VWC2: variants seen among roughly 807,000 people sequenced by gnomAD.
VWC2 encodes von Willebrand factor C domain containing 2.
Under a neutral mutation model 29.8 loss-of-function variants are expected in VWC2, and 14 were observed. The observed-to-expected ratio is 0.47, with a 90% CI of 0.31 to 0.74. VWC2 has a LOEUF of 0.74. Ranked by LOEUF, VWC2 falls within the 30% of genes least tolerant of loss-of-function variation. The probability of loss-of-function intolerance (pLI) is 0.05; values close to 1 mark genes in which losing one functional copy is unlikely to be tolerated. For missense variants in VWC2, 457 were observed against 459.8 expected (o/e 0.99, Z 0.05); for synonymous variants, 213 against 199.0 (o/e 1.07, Z -0.59).
intron 2 of VWC2, among the ~76,000 whole-genome samples, chr7:49,800,760 C>T (rs1788719121): frequency 6.9e-6 from 1 of 145,272 alleles, no homozygotes; most frequent in South Asian, 2.2e-4. Flanking sequence ...AAAAATGCTA[C>T]AGACTGAATG....
At chr7:49,898,746 C>G (rs1792535055) in intron 3 of VWC2, among the ~76,000 whole-genome samples, 1 of 152,026 alleles carries the variant, frequency 6.6e-6, no homozygotes, top group Admixed American at 6.6e-5. Context: ...AAGATACTCT[C>G]ATTACCCACA....
intron 3 of VWC2, among the ~76,000 whole-genome samples, chr7:49,872,915 C>CAAAAAAAAAAAAAAAAAAAAAAA (rs61473396): frequency 1.5e-4 from 5 of 33,960 alleles, no homozygotes; most frequent in Non-Finnish European, 2.7e-4. Flanking sequence ...GACTTTGTCT[C>CAAAAAAAAAAAAAAAAAAAAAAA]AAAAAAAAAA....
At chr7:49,794,165 C>G (rs1046956313) in intron 2 of VWC2, among the ~76,000 whole-genome samples, 1 of 152,160 alleles carries the variant, frequency 6.6e-6, no homozygotes, top group African/African-American at 2.4e-5. Context: ...AAACCAAAGC[C>G]CTTTTGCCCA....
At chr7:49,911,254 C>T (rs766384125) in intron 3 of VWC2, among the ~76,000 whole-genome samples, 38 of 151,878 alleles carry the variant, frequency 2.5e-4, no homozygotes, top group Non-Finnish European at 4.4e-4. Flanking sequence ...GAGGCCAAGG[C>T]GGGCAGATCA....
chr7:49,788,814 G>T (rs1275884915), intron 2 of VWC2, among the ~76,000 whole-genome samples: 1 of 149,048 alleles, frequency 6.7e-6, no homozygotes, highest in Non-Finnish European at 1.5e-5. Flanking sequence ...GTGGGTGCGT[G>T]TGAGAGTGGA....
intron 3 of VWC2, among the ~76,000 whole-genome samples, chr7:49,846,515 A>G (rs892728369): frequency 6.6e-6 from 1 of 152,068 alleles, no homozygotes; most frequent in Non-Finnish European, 1.5e-5. Flanking sequence ...CAAGCTTCCA[A>G]ATTTGGCCAT....
At chr7:49,818,371 G>T (rs1789194886) in intron 3 of VWC2, among the ~76,000 whole-genome samples, 1 of 152,146 alleles carries the variant, frequency 6.6e-6, no homozygotes, top group Non-Finnish European at 1.5e-5. Context: ...TGCACAGAAA[G>T]AACAGTTGTT....
chr7:49,842,538 C>T (rs1789822562), intron 3 of VWC2, among the ~76,000 whole-genome samples: 1 of 152,154 alleles, frequency 6.6e-6, no homozygotes, highest in Non-Finnish European at 1.5e-5. Flanking sequence ...AGTGACACAA[C>T]AGTGAATCCA....
At chr7:49,782,109 A>C (rs868383148) in intron 2 of VWC2, among the ~76,000 whole-genome samples, 1 of 152,306 alleles carries the variant, frequency 6.6e-6, no homozygotes, top group Middle Eastern at 3.4e-3. Flanking sequence ...GGTTCATATA[A>C]ATTCCCAGAT....
chr7:49,837,438 G>A (rs1439885523), intron 3 of VWC2, among the ~76,000 whole-genome samples: 1 of 152,194 alleles, frequency 6.6e-6, no homozygotes, highest in Non-Finnish European at 1.5e-5. Flanking sequence ...CAGAACATGT[G>A]AAGGACTTTT....
Position 49,854,910 on chromosome 7 carries a change from A to G in VWC2, c.826+52070A>G, listed in dbSNP as rs376287615. On this transcript the variant is annotated intron_variant, in intron 3 of 3. Coordinates refer to ENST00000340652, the MANE Select transcript of VWC2 (RefSeq NM_198570.5). ...ACTATGAAGCTCAAAAAGGTTAAGTAACTTGCCCAATGCCATGCACCCTGG... is the reference window on the plus strand; with the variant it reads ...ACTATGAAGCTCAAAAAGGTTAAGTGACTTGCCCAATGCCATGCACCCTGG... Among the ~76,000 whole-genome samples the G allele has an allele frequency of 2.6e-5, 4 of 152,320 alleles. No homozygotes were observed. The South Asian group carries it at 6.2e-4, about 24-fold the overall frequency.
chr7:49,781,627 C>G (rs1001656012), intron 2 of VWC2, among the ~76,000 whole-genome samples: 5 of 152,092 alleles, frequency 3.3e-5, no homozygotes, highest in Admixed American at 6.5e-5. Context: ...GAAGATCGTG[C>G]ATAGTGTCTT....
intron 3 of VWC2, among the ~76,000 whole-genome samples, chr7:49,819,656 G>T (rs1442845474): frequency 6.6e-6 from 1 of 152,178 alleles, no homozygotes; most frequent in Admixed American, 6.5e-5. Context: ...TCTCAAAGAG[G>T]TGGCTTTGAA....
chr7:49,875,390 A>AAAAAC (rs1325759096), intron 3 of VWC2, among the ~76,000 whole-genome samples: 1 of 150,126 alleles, frequency 6.7e-6, no homozygotes, highest in Non-Finnish European at 1.5e-5. Context: ...AAAAAAAAAA[A>AAAAAC]AAAAAAACAG....
chr7:49,849,875 G>A (rs1790106969), intron 3 of VWC2, among the ~76,000 whole-genome samples: 1 of 152,216 alleles, frequency 6.6e-6, no homozygotes, highest in African/African-American at 2.4e-5. Context: ...GGGACTGAGA[G>A]GACCCTGGAG....
intron 3 of VWC2, among the ~76,000 whole-genome samples, chr7:49,894,732 G>A (rs1220543019): frequency 1.3e-5 from 2 of 152,160 alleles, no homozygotes; most frequent in Non-Finnish European, 2.9e-5. Flanking sequence ...TGTTTTGCTG[G>A]AGACACAGGA....
At chr7:49,867,997 C>A (rs1790986049) in intron 3 of VWC2, among the ~76,000 whole-genome samples, 1 of 152,152 alleles carries the variant, frequency 6.6e-6, no homozygotes, top group Admixed American at 6.5e-5. Flanking sequence ...CTATACCTGA[C>A]TAATTTTTGT....
intron 3 of VWC2, among the ~76,000 whole-genome samples, chr7:49,881,365 C>T (rs1440028087): frequency 6.6e-6 from 1 of 152,144 alleles, no homozygotes; most frequent in African/African-American, 2.4e-5. Context: ...TTCAAAAAAA[C>T]AGCACTGAAA....
At chr7:49,890,592 TA>T (rs1792085899) in intron 3 of VWC2, among the ~76,000 whole-genome samples, 5 of 152,328 alleles carry the variant, frequency 3.3e-5, no homozygotes, top group Admixed American at 3.3e-4. Flanking sequence ...TGGGAATTGT[TA>T]GTCAAATATA....
Sources: gnomAD v4.1 joint callset for allele counts (sites outside exome capture counted in the v4.1 genomes callset) on GRCh38, gnomAD v4.1.1 for gene constraint, MANE v1.5 for transcripts, NCBI Gene and HGNC (gene_info 2026-07-23, HGNC 2026-07-21) for gene names.